TTN: variants seen among roughly 807,000 people sequenced by gnomAD.
TTN encodes the protein titin.
TTN carries 1,525 observed loss-of-function variants against 3,223.0 expected under a neutral mutation model. The observed-to-expected ratio is 0.47, with a 90% CI of 0.45 to 0.49. TTN has a LOEUF of 0.49. Ranked by LOEUF, TTN falls within the 20% of genes least tolerant of loss-of-function variation. The pLI is 0.00. For missense variants in TTN, 40,786 were observed against 43,424.0 expected (o/e 0.94, Z 5.40); for synonymous variants, 14,094 against 15,161.0 (o/e 0.93, Z 5.17).
chr2:178,797,420 C>CT (rs2093826400), intron 6 of TTN, among the ~76,000 whole-genome samples: 1 of 151,656 alleles, frequency 6.6e-6, no homozygotes, highest in African/African-American at 2.4e-5. Context: ...ATGTTAAATA[C>CT]TTTTTTGTAT....
rs116114283 is a variant in TTN at position 178,679,819 on chromosome 2, C to A, written c.33580+75G>T. ...CAATCATTGGTGCTGCCAATAACCC[C>A]CAGAATCTGACCAAATCAGACCCCC... On this transcript the variant is annotated intron_variant, in intron 140 of 362. Coordinates refer to ENST00000589042, the MANE Select transcript of TTN (RefSeq NM_001267550.2). The A allele has an allele frequency of 7.9e-4, 1,253 of 1,585,476 alleles. 1 individual carries two copies. Among genetic ancestry groups the A allele is most frequent in the Non-Finnish European group, 9.6e-4 (1,118 of 1,165,738 alleles).
In TTN at chr2:178,685,579, T is replaced by C; in HGVS notation, c.32331A>G (p.Glu10777=). Residue 10777 remains glutamate, a synonymous_variant, in exon 128 of 363, where the codon GAA becomes GAG. Coordinates refer to ENST00000589042, the MANE Select transcript of TTN (RefSeq NM_001267550.2). ...TGTGCAGCTTTTCTTCCACAACATATTCCTCAGGCTCTTCCATCACTTTAA... is the reference window on the plus strand; with the variant it reads ...TGTGCAGCTTTTCTTCCACAACATACTCCTCAGGCTCTTCCATCACTTTAA... The part of the protein sequence containing the change: ...TEYEVMEEPE[E]YVVEEKLHII... The C allele has an allele frequency of 2.5e-6, 4 of 1,613,660 alleles. No homozygotes were observed. Among genetic ancestry groups the C allele is most frequent in the Non-Finnish European group, 3.4e-6 (4 of 1,179,742 alleles).
intron 144 of TTN, 102 bp downstream of exon 144, chr2:178,678,312 T>TA: frequency 6.6e-7 from 1 of 1,508,666 alleles, no homozygotes; most frequent in South Asian, 1.2e-5. Flanking sequence ...TCTAACCAGA[T>TA]AGACACTTTA....
chr2:178,775,398 T>C lies in TTN; in HGVS notation c.6466A>G (p.Ile2156Val), dbSNP rs751393901. Residue 2156 changes from isoleucine to valine, a missense_variant, in exon 28 of 363, where the codon ATA becomes GTA. Transcript: ENST00000589042. ...GCGTGACTGGAGGTTTCTCCAGCTA[T>C]GTTGATGGCTTTTACCATGATGCTG... is the stretch of plus-strand genomic sequence containing the variant. ...SASIMVKAIN[I>V]AGETSSHAFL... The C allele has an allele frequency of 6.2e-6, 10 of 1,613,960 alleles. No individual in the cohort carries two copies. In the Admixed American group the frequency reaches 1.5e-4, roughly 24 times the overall value.
intron 289 of TTN, 23 bp downstream of exon 289, chr2:178,599,531 T>C: frequency 6.6e-7 from 1 of 1,525,596 alleles, no homozygotes; most frequent in East Asian, 2.3e-5. Context: ...CAAGTAATTT[T>C]AACCAAACCA....
Position 178,583,121 on chromosome 2 carries a change from T to G in TTN, c.65682A>C (p.Thr21894=), listed in dbSNP as rs4894029. Residue 21894 remains threonine (T), a synonymous_variant, in exon 313 of 363, where the codon ACA becomes ACC. Coordinates refer to ENST00000589042, the MANE Select transcript of TTN (RefSeq NM_001267550.2). ...GTGTGCCATCTTTTTTCCAAGAAAC[T>G]GTTGGCATCGGTTTACCAAAAACAG... ...DATVFGKPMP[T]VSWKKDGTLL... is the part of the protein sequence containing the mutation. The G allele has an allele frequency of 1.2e-6, 2 of 1,611,290 alleles. No individual in the cohort carries two copies. Among genetic ancestry groups the G allele is most frequent in the East Asian group, 4.5e-5 (2 of 44,478 alleles).
Position 178,539,053 on chromosome 2 carries a change from C to T in TTN, c.98882G>A (p.Gly32961Glu), listed in dbSNP as rs1225559660. 2 of 1,613,762 alleles carry T rather than the reference C, an allele frequency of 1.2e-6. No individual in the cohort carries two copies. Among genetic ancestry groups the T allele is most frequent in the South Asian group, 2.2e-5 (2 of 91,076 alleles). The change falls in exon 353 of 363, where the codon GGG becomes GAG. Residue 32961 changes from glycine (G) to glutamate (E), a missense_variant. Physicochemically the swap from Gly to Glu is moderately conservative, Grantham distance 98. Transcript: ENST00000589042. ...CTGATACTCAGCATCGGGAACAAGC[C>T]CTGTGACAGTGTACATTGTGGTGGT... ...QITTTMYTVT[G>E]LVPDAEYQFR...
Position 178,545,994 on chromosome 2 carries a change from G to A in TTN, c.95242C>T (p.Arg31748Cys), listed in dbSNP as rs142525903. The change falls in exon 343 of 363, where the codon CGC (arginine) becomes TGC (cysteine). Residue 31748 changes from arginine (R) to cysteine (C), a missense_variant. Physicochemically the swap from Arg to Cys is radical, Grantham distance 180. Coordinates refer to ENST00000589042, the MANE Select transcript of TTN (RefSeq NM_001267550.2). Reference sequence around the variant, plus strand: ...ACCCAGTTGAGCCTGCTAGTCTCGCGTCTTTCCACGATGTAGTGAGTGATT... The same window carrying A: ...ACCCAGTTGAGCCTGCTAGTCTCGCATCTTTCCACGATGTAGTGAGTGATT... ...AEITHYIVER[R>C]ETSRLNWVIV... 954 of 1,613,794 alleles carry A rather than the reference G, an allele frequency of 5.9e-4. 5 individuals carry two copies. Among genetic ancestry groups the A allele is most frequent in the Middle Eastern group, 3.6e-3 (22 of 6,060 alleles).
rs763377678 is a variant in TTN at position 178,579,675 on chromosome 2, A to C, written c.67522T>G (p.Tyr22508Asp). The C allele has an allele frequency of 1.2e-6, 2 of 1,613,348 alleles. No homozygotes were observed. Among genetic ancestry groups the C allele is most frequent in the Admixed American group, 3.3e-5 (2 of 59,966 alleles). Residue 22508 changes from tyrosine to aspartate, a missense_variant, in exon 319 of 363, where the codon TAC becomes GAC. Transcript: ENST00000589042. ...CCTTCAGTCAAATCTTTTGCAGAGT[A>C]CTGTAGGCTTAAGGATTTCATAACT... ...QRVMKSLSLQ[Y>D]SAKDLTEGKE...
Position 178,570,900 on chromosome 2 carries a change from C to T in TTN, c.75232G>A (p.Glu25078Lys). The part of the protein sequence containing the change: ...VTGLVEDHRY[E>K]FRVIARNAAG... ...GCATTTCGGGCTATAACCCGGAACT[C>T]ATATCTGTGATCTTCAACTAGGCCA... The change falls in exon 326 of 363, where the codon GAG becomes AAG. Residue 25078 changes from glutamate (E) to lysine (K), a missense_variant. Transcript: ENST00000589042. 6.2e-7 allele frequency: 1 copy of T among 1,613,568 alleles called. No individual in the cohort carries two copies. Among genetic ancestry groups the T allele is most frequent in the Non-Finnish European group, 8.5e-7 (1 of 1,179,624 alleles).
chr2:178,560,481 G>T lies in TTN; in HGVS notation c.85651C>A (p.Pro28551Thr), dbSNP rs142478636. 293 of 1,613,166 alleles carry T rather than the reference G, an allele frequency of 1.8e-4. 2 individuals carry two copies. In the East Asian group the frequency reaches 5.3e-3, roughly 29 times the overall value. Residue 28551 changes from proline (P) to threonine (T), a missense_variant, in exon 326 of 363, where the codon CCA becomes ACA. Physicochemically the swap from Pro to Thr is conservative, Grantham distance 38. Coordinates refer to ENST00000589042, the MANE Select transcript of TTN (RefSeq NM_001267550.2). ...AIKALDPFTVPSPPTSLEITS... is the reference protein window; with the variant it reads ...AIKALDPFTVTSPPTSLEITS... ...ATTTCCAAAGACGTGGGTGGACTTG[G>T]AACTGTAAATGGATCTAGTGCCTTT...
chr2:178,803,147 G>A (rs1235807825), intron 2 of TTN, among the ~76,000 whole-genome samples: 2 of 152,102 alleles, frequency 1.3e-5, no homozygotes, highest in Non-Finnish European at 2.9e-5. Flanking sequence ...TACTTACGCT[G>A]GTAGGTAAAG....
At chr2:178,783,850 G>T in intron 16 of TTN, 65 bp from the exon 17 acceptor site, 1 of 1,312,346 alleles carries the variant, frequency 7.6e-7, no homozygotes, top group Non-Finnish European at 1.1e-6. Flanking sequence ...TAAACTCTTA[G>T]CTCATGCAAC....
At position 178,575,153 on chromosome 2, in the gene TTN, C is replaced by A. The variant is rs570979108; in HGVS notation, c.70979G>T (p.Arg23660Leu). ...TTTCCATGTCACTGTGGGCTTCGGT[C>A]GACCGAGCACTGGAATTTCAACTTT... Reference protein sequence around the residue: ...NIKVEIPVLGRPKPTVTWKKG... With the variant: ...NIKVEIPVLGLPKPTVTWKKG... Residue 23660 changes from arginine to leucine, a missense_variant, in exon 326 of 363, where the codon CGA (arginine) becomes CTA (leucine). Coordinates refer to ENST00000589042, the MANE Select transcript of TTN (RefSeq NM_001267550.2). The surrounding 1 kb of genome is among the most constrained non-coding windows in gnomAD (Gnocchi z 4.0). The A allele has an allele frequency of 6.2e-7, 1 of 1,612,602 alleles. No homozygotes were observed. Among genetic ancestry groups the A allele is most frequent in the South Asian group, 1.1e-5 (1 of 90,918 alleles).
chr2:178,779,841 C>T (rs2092607523), intron 22 of TTN, 159 bp downstream of exon 22: 1 of 677,814 alleles, frequency 1.5e-6, no homozygotes. Context: ...CTCACAGGTG[C>T]AACATACCAT....
At chr2:178,792,000 A>G (rs1574889539) in intron 10 of TTN, 72 bp downstream of exon 10, 1 of 1,541,920 alleles carries the variant, frequency 6.5e-7, no homozygotes, top group South Asian at 1.2e-5. Context: ...GGTTTTGACT[A>G]TAAGCTACCT....
Position 178,527,014 on chromosome 2 carries a change from A to G in TTN, c.107974T>C (p.Ter35992GlnextTer27), listed in dbSNP as rs1285918619. 1.9e-6 allele frequency: 3 copies of G among 1,609,924 alleles called. No homozygotes were observed. Among genetic ancestry groups the G allele is most frequent in the Non-Finnish European group, 1.7e-6 (2 of 1,177,258 alleles). Residue 35992 changes from the stop codon to glutamine, a stop_lost, in exon 363 of 363, where the codon TAA becomes CAA. Transcript: ENST00000589042. ...ATVNIHIRSI[*>Q] ...AGAGTATAAGGGCACAGGCCCTCTT[A>G]AATGGATCGAATATGTATATTCACA...
In TTN at chr2:178,771,216, A is replaced by G. The variant is rs1458291508; in HGVS notation, c.8111T>C (p.Val2704Ala). 6.2e-7 allele frequency: 1 copy of G among 1,614,050 alleles called. No homozygotes were observed. Among genetic ancestry groups the G allele is most frequent in the Non-Finnish European group, 8.5e-7 (1 of 1,179,984 alleles). Residue 2704 changes from valine (V) to alanine (A), a missense_variant, in exon 34 of 363, where the codon GTT becomes GCT. Val to Ala is a moderately conservative substitution (Grantham distance 64, BLOSUM62 0). Coordinates refer to ENST00000589042, the MANE Select transcript of TTN (RefSeq NM_001267550.2). ...ACAAATCCTATGTTACTTGCCTTCAACTTTGAGTTTGGCAGATGTTTTGGA... is the reference window on the plus strand; with the variant it reads ...ACAAATCCTATGTTACTTGCCTTCAGCTTTGAGTTTGGCAGATGTTTTGGA... ...ATSKTSAKLK[V>A]EAVKIKKTLK...
In TTN at chr2:178,608,465, G is replaced by A. The variant is rs1408028554; in HGVS notation, c.52418C>T (p.Ala17473Val). The change falls in exon 275 of 363, where the codon GCA becomes GTA. Residue 17473 changes from alanine to valine, a missense_variant. Physicochemically the swap from Ala to Val is moderately conservative, Grantham distance 64. Coordinates refer to ENST00000589042, the MANE Select transcript of TTN (RefSeq NM_001267550.2). The stretch of plus-strand genomic sequence containing the variant: ...ATCTTCCACAATGGGCTTATCTGGT[G>A]CATCAGGTGGTCCTGATAAAAAAAT... The part of the protein sequence containing the change: ...VAKDPFGPPD[A>V]PDKPIVEDVT... The A allele has an allele frequency of 1.9e-6, 3 of 1,593,118 alleles. No individual in the cohort carries two copies. The highest frequency in any genetic ancestry group is 1.8e-5 in the Admixed American group (1 of 56,048).
Sources: allele counts gnomAD v4.1 joint callset (sites outside exome capture counted in the v4.1 genomes callset), GRCh38; gene constraint gnomAD v4.1.1; non-coding constraint Gnocchi (gnomAD v3.1); transcripts MANE v1.5; gene names NCBI Gene and HGNC (gene_info 2026-07-23, HGNC 2026-07-21).